Variants in PTPRQ observed in about 807,000 individuals in gnomAD.
The protein encoded by PTPRQ is protein tyrosine phosphatase receptor type Q.
In PTPRQ, 199 loss-of-function variants were observed where a neutral mutation model predicts 246.0. That is an observed-to-expected ratio of 0.81 (90% CI 0.72 to 0.91). The LOEUF (loss-of-function observed/expected upper bound fraction) is 0.91, where lower values mean the gene tolerates loss of function less well. Among genes scored for constraint, PTPRQ ranks in the 40% least tolerant of loss-of-function variants. The pLI, the probability that PTPRQ is intolerant of heterozygous loss-of-function variation, is 0.00. For synonymous variants in PTPRQ, 869 were observed against 853.2 expected, an observed-to-expected ratio of 1.02 and a Z score of -0.32; for missense variants, 2,624 against 2,528.4, an observed-to-expected ratio of 1.04 and a Z score of -0.81.
chr12:80,526,718 A>T (rs541605535), intron 17 of PTPRQ, among the ~76,000 whole-genome samples: 9 of 152,254 alleles, frequency 5.9e-5, no homozygotes, highest in Admixed American at 2.0e-4. Context: ...GTGTTTAAAA[A>T]TTTTTTAAAG....
rs1237786126 is a variant in PTPRQ, at chr12:80,676,650, ACAACAACAAAAC to A, written c.6739-1942_6739-1931del. Among the ~76,000 whole-genome samples the A allele has an allele frequency of 5.3e-5, 8 of 152,118 alleles. No homozygotes were observed. The East Asian group carries it at 1.5e-3, about 29-fold the overall frequency. ...GAGCGAGACTCTGTTGCAAACAACA[ACAACAACAAAAC>A]CAACAACAACACATTGTAGCCCCAG... On this transcript the variant is annotated intron_variant, in intron 43 of 44. Transcript: ENST00000644991.
chr12:80,452,794 T>G (rs1473333317), intron 3 of PTPRQ, among the ~76,000 whole-genome samples: 1 of 152,172 alleles, frequency 6.6e-6, no homozygotes, highest in African/African-American at 2.4e-5. Context: ...TGGCTGCCCT[T>G]AACATTTTTT....
In PTPRQ at chr12:80,610,553, A is replaced by G; in HGVS notation, c.4846A>G (p.Thr1616Ala). ...GTATTCTGTAGTGATCACTGCATTT[A>G]CTGGGAACATTAGTGCTGCATATGT... The part of the protein sequence containing the change: ...TRYSVVITAF[T>A]GNISAAYVEG... The change falls in exon 28 of 45, where the codon ACT becomes GCT. Residue 1616 changes from threonine to alanine, a missense_variant. By Grantham distance (58) the Thr-to-Ala change is moderately conservative. Coordinates refer to ENST00000644991, the MANE Select transcript of PTPRQ (RefSeq NM_001145026.2). The G allele has an allele frequency of 1.3e-6, 2 of 1,543,788 alleles. No individual in the cohort carries two copies. Among genetic ancestry groups the G allele is most frequent in the East Asian group, 2.5e-5 (1 of 40,650 alleles).
intron 6 of PTPRQ, among the ~76,000 whole-genome samples, chr12:80,463,538 G>C (rs1893280648): frequency 2.0e-5 from 3 of 152,100 alleles, no homozygotes; most frequent in Admixed American, 6.5e-5. Flanking sequence ...TACTCCTTGA[G>C]AAGAGCAACT....
intron 35 of PTPRQ, among the ~76,000 whole-genome samples, chr12:80,635,854 G>A (rs1179069684): frequency 2.6e-5 from 4 of 152,066 alleles, no homozygotes; most frequent in Admixed American, 6.6e-5. Context: ...TAAGCACAAA[G>A]TAGTTGTTAC....
intron 23 of PTPRQ, 38 bp downstream of exon 23, chr12:80,542,919 A>C (rs1358774140): frequency 4.7e-6 from 6 of 1,269,196 alleles, no homozygotes; most frequent in Non-Finnish European, 6.2e-6. Flanking sequence ...ATTTTTAAAA[A>C]TCAGAAATTG....
chr12:80,551,712 T>C (rs1295067586), intron 25 of PTPRQ, among the ~76,000 whole-genome samples: 1 of 152,134 alleles, frequency 6.6e-6, no homozygotes, highest in African/African-American at 2.4e-5. Context: ...TAATTAGAAT[T>C]TGGCTTCTCT....
chr12:80,571,720 G>GT (rs987715762), intron 25 of PTPRQ, among the ~76,000 whole-genome samples: 8 of 150,972 alleles, frequency 5.3e-5, no homozygotes, highest in Non-Finnish European at 8.9e-5. Flanking sequence ...GTGATTCAAA[G>GT]TTTTTTTTTG....
chr12:80,642,416 C>G (rs1488562731), intron 35 of PTPRQ, among the ~76,000 whole-genome samples: 1 of 152,062 alleles, frequency 6.6e-6, no homozygotes, highest in African/African-American at 2.4e-5. Flanking sequence ...TAAACAATGC[C>G]CATGGTTTTC....
chr12:80,658,556 C>T (rs1295912776), intron 39 of PTPRQ, among the ~76,000 whole-genome samples: 1 of 151,990 alleles, frequency 6.6e-6, no homozygotes, highest in Non-Finnish European at 1.5e-5. Flanking sequence ...TTCATGGAAT[C>T]TTAAAGAAGG....
Position 80,506,583 on chromosome 12 carries a change from ACC to A in PTPRQ, c.2472_2473del (p.Gln825IlefsTer4). 1 of 1,534,000 alleles carries A rather than the reference ACC, an allele frequency of 6.5e-7. No homozygotes were observed. The highest frequency in any genetic ancestry group is 8.8e-7 in the Non-Finnish European group (1 of 1,134,732). ...TTTCTCTTTAGTACTGAAGAAATAT[ACC>A]CAATATATCATTGAGGTGTCTGCTA... Reference protein sequence around the residue: ...TQNIKVLKKYTQYIIEVSAST... With the variant: ...TQNIKVLKKYXQYIIEVSAST... On this transcript the variant is annotated frameshift_variant, in exon 16 of 45. Coordinates refer to ENST00000644991, the MANE Select transcript of PTPRQ (RefSeq NM_001145026.2). LOFTEE classifies it high-confidence loss of function.
At chr12:80,573,361 C>T (rs1232859529) in intron 25 of PTPRQ, among the ~76,000 whole-genome samples, 1 of 151,874 alleles carries the variant, frequency 6.6e-6, no homozygotes, top group Non-Finnish European at 1.5e-5. Flanking sequence ...TGGTGGCGGG[C>T]GCCTGTGGTC....
rs149942285 is a variant in PTPRQ, at chr12:80,661,840, A to T, written c.6192+3779A>T. 4.9e-3 allele frequency among the ~76,000 whole-genome samples: 752 copies of T among 151,950 alleles called. 5 individuals are homozygous for T. Among genetic ancestry groups the T allele is most frequent in the African/African-American group, 0.013 (541 of 41,528 alleles). ...TAGAGCACTTCAAAATTTTCAAAGC[A>T]ATTTCACATTCCTTATTTTACAAAT... On this transcript the variant is annotated intron_variant, in intron 39 of 44. Transcript: ENST00000644991.
chr12:80,593,878 A>G (rs1897882582), intron 26 of PTPRQ, among the ~76,000 whole-genome samples: 1 of 152,022 alleles, frequency 6.6e-6, no homozygotes. Context: ...TATGAAATGG[A>G]ATGGGACTCT....
chr12:80,662,909 G>A (rs1020126398), intron 39 of PTPRQ, among the ~76,000 whole-genome samples: 6 of 151,930 alleles, frequency 3.9e-5, no homozygotes, highest in Non-Finnish European at 4.4e-5. Flanking sequence ...CATATTCAAA[G>A]GTAGAAGCAG....
chr12:80,590,682 A>C (rs1027948047), intron 26 of PTPRQ, among the ~76,000 whole-genome samples: 3 of 151,462 alleles, frequency 2.0e-5, no homozygotes, highest in South Asian at 2.1e-4. Context: ...AAAAAAAAAA[A>C]AAAAAAAAAC....
chr12:80,564,711 C>G (rs140674209), intron 25 of PTPRQ, among the ~76,000 whole-genome samples: 194 of 152,244 alleles, frequency 1.3e-3, no homozygotes, highest in Non-Finnish European at 2.4e-3. Flanking sequence ...AAGCACACAA[C>G]TGAAGTGTTT....
rs139543851 is a variant in PTPRQ at position 80,506,941 on chromosome 12, CA to C, written c.2557+273del. Among the ~76,000 whole-genome samples, 435 of 152,062 alleles carry C rather than the reference CA, an allele frequency of 2.9e-3. 6 individuals are homozygous for C. The highest frequency in any genetic ancestry group is 0.01 in the African/African-American group (417 of 41,524). On this transcript the variant is annotated intron_variant, in intron 16 of 44. Coordinates refer to ENST00000644991, the MANE Select transcript of PTPRQ (RefSeq NM_001145026.2). ...AGTCATGTTTTTCCATGGGGATTTTCAAGGCTTAAAATTTGGTTTGAACGTT... is the reference window on the plus strand; with the variant it reads ...AGTCATGTTTTTCCATGGGGATTTTCAGGCTTAAAATTTGGTTTGAACGTT...
chr12:80,473,033 ACACTCACACACACG>A (rs1442129178), intron 8 of PTPRQ, among the ~76,000 whole-genome samples: 1 of 99,134 alleles, frequency 1.0e-5, no homozygotes, highest in Non-Finnish European at 2.3e-5. Flanking sequence ...ACACACACAC[ACACTCACACACACG>A]CACACACACA....
Sources: allele counts gnomAD v4.1 joint callset (sites outside exome capture counted in the v4.1 genomes callset), GRCh38; gene constraint gnomAD v4.1.1; transcripts MANE v1.5; gene names NCBI Gene and HGNC (gene_info 2026-07-23, HGNC 2026-07-21).